Variants in FNBP1 observed in about 807,000 individuals in gnomAD.
The protein encoded by FNBP1 is formin-binding protein 1.
A neutral mutation model predicts 90.6 loss-of-function variants in FNBP1; 26 were observed. The observed-to-expected ratio is 0.29, with a 90% confidence interval of 0.21 to 0.40. The LOEUF is 0.40. Ranked by LOEUF, FNBP1 falls within the 10% of genes least tolerant of loss-of-function variation. The pLI, the probability that FNBP1 is intolerant of heterozygous loss-of-function variation, is 1.00. For synonymous variants in FNBP1, 260 were observed against 265.2 expected (o/e 0.98, Z 0.19); for missense variants, 635 against 768.0 (o/e 0.83, Z 2.05).
At position 129,927,216 on chromosome 9, in the gene FNBP1, G is replaced by A. The variant is rs375952107; in HGVS notation, c.768C>T (p.Ala256=). ...GKCLDGIVKA[A]ESIDQKNDSQ... ...TTACATTTTTCTGATCAATTGATTC[G>A]GCTGCTTTTACTATTCCATCCAGGC... The change falls in exon 8 of 17, where the codon GCC becomes GCT. Residue 256 remains alanine (A), a synonymous_variant. Transcript: ENST00000446176. 1.3e-5 allele frequency: 21 copies of A among 1,613,596 alleles called. No individual in the cohort carries two copies. Among genetic ancestry groups the A allele is most frequent in the Middle Eastern group, 1.6e-4 (1 of 6,082 alleles).
At chr9:130,053,649 G>A in the FNBP1 span, 1 of 482,430 alleles carries the variant, frequency 2.1e-6, no homozygotes, top group East Asian at 4.1e-5. Flanking sequence ...GCGAGGCGGA[G>A]GTGCGGCCCG....
Position 130,042,478 on chromosome 9 carries a change from C to G in FNBP1, c.24+474G>C, listed in dbSNP as rs1425489780. On this transcript the variant is annotated intron_variant, in intron 1 of 16. Coordinates refer to ENST00000446176, the MANE Select transcript of FNBP1 (RefSeq NM_015033.3). This position sits in a 1 kb window ranked among gnomAD's most constrained non-coding sequence, Gnocchi z 5.5. The stretch of plus-strand genomic sequence containing the variant: ...CCCCCGGCGCTCGCCCCGGCCGCCC[C>G]GCTCCCGGGGAAGTGCCCGATCCGC... Among the ~76,000 whole-genome samples the G allele has an allele frequency of 6.6e-6, 1 of 151,984 alleles. No individual in the cohort carries two copies.
chr9:129,975,976 C>T (rs903678173), intron 4 of FNBP1, among the ~76,000 whole-genome samples: 39 of 150,912 alleles, frequency 2.6e-4, no homozygotes, highest in Non-Finnish European at 5.0e-4. Flanking sequence ...AAATATAAAC[C>T]TTTGCAAGGT....
the FNBP1 span, chr9:130,053,379 A>G: frequency 6.5e-6 from 1 of 153,606 alleles, no homozygotes; most frequent in African/African-American, 2.4e-5. Context: ...AAAATTAAAT[A>G]CAACAAAAGG....
Position 130,031,796 on chromosome 9 carries a change from G to T in FNBP1, c.24+11156C>A, listed in dbSNP as rs1347967396. Among the ~76,000 whole-genome samples, 1 of 151,968 alleles carries T rather than the reference G, an allele frequency of 6.6e-6. No homozygotes were observed. Among genetic ancestry groups the T allele is most frequent in the Non-Finnish European group, 1.5e-5 (1 of 68,012 alleles). Reference sequence around the variant, plus strand: ...CCTGCCTCAGCCTCCCGAGTAGCTGGGATTACAGGCGAGCGCCATCATGCC... The same window carrying T: ...CCTGCCTCAGCCTCCCGAGTAGCTGTGATTACAGGCGAGCGCCATCATGCC... On this transcript the variant is annotated intron_variant, in intron 1 of 16. Coordinates refer to ENST00000446176, the MANE Select transcript of FNBP1 (RefSeq NM_015033.3). The surrounding 1 kb of genome is among the most constrained non-coding windows in gnomAD (Gnocchi z 4.2).
intron 6 of FNBP1, among the ~76,000 whole-genome samples, chr9:129,955,782 G>A (rs1478578328): frequency 6.7e-6 from 1 of 150,194 alleles, no homozygotes; most frequent in African/African-American, 2.4e-5. Context: ...AAAATAAAAA[G>A]AGACCATATC....
At chr9:129,922,751 C>T (rs796905464) in intron 10 of FNBP1, among the ~76,000 whole-genome samples, 3 of 152,196 alleles carry the variant, frequency 2.0e-5, no homozygotes, top group Non-Finnish European at 4.4e-5. Context: ...CTTCTCCTTT[C>T]GACCCTGAGG....
At chr9:129,922,003 G>A (rs984117689) in intron 10 of FNBP1, among the ~76,000 whole-genome samples, 3 of 151,482 alleles carry the variant, frequency 2.0e-5, no homozygotes, top group African/African-American at 4.9e-5. Flanking sequence ...TAAAACTTAT[G>A]TTTGTACAAG....
At chr9:129,958,788 T>C (rs2047330231) in intron 4 of FNBP1, among the ~76,000 whole-genome samples, 1 of 151,276 alleles carries the variant, frequency 6.6e-6, no homozygotes, top group Non-Finnish European at 1.5e-5. Flanking sequence ...CAAGACAGCC[T>C]GGGCAACACA....
chr9:129,890,514 ACCCGAGGCTCGCAGGCACT>A lies in FNBP1; in HGVS notation c.*6_*24del. On this transcript the variant is annotated 3_prime_UTR_variant, in exon 17 of 17. Coordinates refer to ENST00000446176, the MANE Select transcript of FNBP1 (RefSeq NM_015033.3). The surrounding 1 kb of genome is among the most constrained non-coding windows in gnomAD (Gnocchi z 5.8). ...GACGGAGGCTCCTCCAGGAAGGCTC[ACCCGAGGCTCGCAGGCACT>A]CCCCTCTAGGAATCTACAACACAAA... is the stretch of plus-strand genomic sequence containing the variant. The A allele has an allele frequency of 6.3e-7, 1 of 1,581,628 alleles. No homozygotes were observed.
rs532222664 is a variant in FNBP1, at chr9:129,968,643, G to A, written c.345+9822C>T. ...TTGAATATCTAACTTTGAAAAGAAT[G>A]TTATAGGTTTTAGTGCAGTATCCAT... On this transcript the variant is annotated intron_variant, in intron 4 of 16. Transcript: ENST00000446176. Among the ~76,000 whole-genome samples the A allele has an allele frequency of 5.1e-4, 77 of 152,242 alleles. 1 individual carries two copies. Among genetic ancestry groups the A allele is most frequent in the African/African-American group, 1.8e-3 (75 of 41,548 alleles).
chr9:129,980,002 G>A (rs565219215), intron 2 of FNBP1, among the ~76,000 whole-genome samples: 14 of 151,792 alleles, frequency 9.2e-5, no homozygotes, highest in Non-Finnish European at 1.8e-4. Context: ...CCATTCTCTC[G>A]TGGTCATCCT....
At chr9:130,053,865 C>T in the FNBP1 span, 1 of 1,484,616 alleles carries the variant, frequency 6.7e-7, no homozygotes, top group African/African-American at 1.4e-5. Flanking sequence ...CCGGGCCCTT[C>T]CGGCGGCTGC....
intron 4 of FNBP1, among the ~76,000 whole-genome samples, chr9:129,976,237 CT>C (rs2050289196): frequency 6.6e-6 from 1 of 152,108 alleles, no homozygotes; most frequent in Non-Finnish European, 1.5e-5. Flanking sequence ...CGTTGGGGAG[CT>C]GTCCTGTATA....
chr9:130,003,555 C>T lies in FNBP1; in HGVS notation c.25-8597G>A, dbSNP rs150489839. ...CTGGGAGGTGGAGGCTGCAGTGAGC[C>T]GAGATTTCATTACTGCACTCCAGCC... is the stretch of plus-strand genomic sequence containing the variant. On this transcript the variant is annotated intron_variant, in intron 1 of 16. Transcript: ENST00000446176. 5.6e-3 allele frequency among the ~76,000 whole-genome samples: 838 copies of T among 149,940 alleles called. 10 individuals carry two copies. Among genetic ancestry groups the T allele is most frequent in the African/African-American group, 0.019 (776 of 40,728 alleles).
chr9:130,011,548 C>T (rs1276382269), intron 1 of FNBP1, among the ~76,000 whole-genome samples: 1 of 151,928 alleles, frequency 6.6e-6, no homozygotes, highest in Non-Finnish European at 1.5e-5. Flanking sequence ...CTTCAGAGAG[C>T]TGCTGTTGCT....
At chr9:130,012,154 G>T (rs1307300576) in intron 1 of FNBP1, among the ~76,000 whole-genome samples, 1 of 152,220 alleles carries the variant, frequency 6.6e-6, no homozygotes. Context: ...AGAGCCTAAT[G>T]GCTAAGAATC....
rs749618881 is a variant in FNBP1 at position 129,896,005 on chromosome 9, G to A, written c.1688-9C>T. 29 of 1,604,386 alleles carry A rather than the reference G, an allele frequency of 1.8e-5. No individual in the cohort carries two copies. The highest frequency in any genetic ancestry group is 5.2e-5 in the Admixed American group (3 of 58,030). On this transcript the variant is annotated splice_polypyrimidine_tract_variant and intron_variant, in intron 15 of 16. Coordinates refer to ENST00000446176, the MANE Select transcript of FNBP1 (RefSeq NM_015033.3). ...CGTTCCTTCATTCTGACCTGAAAAAGCAATATCAGGATATGTTAGATGTCT... is the reference window on the plus strand; with the variant it reads ...CGTTCCTTCATTCTGACCTGAAAAAACAATATCAGGATATGTTAGATGTCT...
rs2047297594 is a variant in FNBP1, at chr9:129,958,557, C to CA, written c.346-5dup. On this transcript the variant is annotated splice_region_variant and splice_polypyrimidine_tract_variant and intron_variant, in intron 4 of 16. Transcript: ENST00000446176. The stretch of plus-strand genomic sequence containing the variant: ...CTTTACGGCCATCGTGAAAGTTCTG[C>CA]AAAGGGGAAAACACACTGGTGATTA... The CA allele has an allele frequency of 6.3e-7, 1 of 1,591,612 alleles. No individual in the cohort carries two copies.
Sources: gnomAD v4.1 joint callset for allele counts (sites outside exome capture counted in the v4.1 genomes callset) on GRCh38, gnomAD v4.1.1 for gene constraint, Gnocchi (gnomAD v3.1) non-coding constraint, MANE v1.5 for transcripts, NCBI Gene and HGNC (gene_info 2026-07-23, HGNC 2026-07-21) for gene names.